The following MBNL1 variants were observed in gnomAD, a reference collection of about 807,000 sequenced individuals.
The protein encoded by MBNL1 is muscleblind like splicing regulator 1.
Under a neutral mutation model 42.2 loss-of-function variants are expected in MBNL1, and 8 were observed. That is an observed-to-expected ratio of 0.19 (90% CI 0.11 to 0.34). The LOEUF is 0.34. Among genes scored for constraint, MBNL1 ranks in the 10% least tolerant of loss-of-function variants. MBNL1 has a pLI of 1.00. For synonymous variants in MBNL1, 169 were observed against 173.9 expected, an observed-to-expected ratio of 0.97 and a Z score of 0.22; for missense variants, 309 against 495.3, an observed-to-expected ratio of 0.62 and a Z score of 3.57.
At chr3:152,262,527 T>C (rs190866548) in intron 2 of MBNL1, 1 of 152,182 alleles carries the variant, frequency 6.6e-6, no homozygotes, top group Non-Finnish European at 1.5e-5. Flanking sequence ...AGTAAGTAGA[T>C]AGATACAGCC....
Position 152,465,371 on chromosome 3 carries a change from A to G in MBNL1, c.*3005A>G, listed in dbSNP as rs535488503. On this transcript the variant is annotated 3_prime_UTR_variant, in exon 10 of 10. Transcript: ENST00000324210. ...ACAGCACACTGTAGCTATAGTTGTT[A>G]TGTGATTGTTTTTTAATTGCTGTAG... 44 of 152,734 alleles carry G rather than the reference A, an allele frequency of 2.9e-4. No homozygotes were observed. The highest frequency in any genetic ancestry group is 8.4e-4 in the African/African-American group (35 of 41,586). 9.5% of individuals were successfully genotyped at this position (152,734 alleles called of 1,614,324 possible). A position where few individuals can be genotyped will look rare whatever the true frequency, so the allele number is the denominator to read the frequency against.
intron 2 of MBNL1, among the ~76,000 whole-genome samples, chr3:152,409,859 A>G (rs900028740): frequency 6.6e-6 from 1 of 152,210 alleles, no homozygotes; most frequent in South Asian, 2.1e-4. Context: ...AGTAGAAGAA[A>G]TATAATTAAA....
chr3:152,302,782 G>C (rs975026403), intron 2 of MBNL1, among the ~76,000 whole-genome samples: 9 of 152,098 alleles, frequency 5.9e-5, no homozygotes, highest in Non-Finnish European at 1.3e-4. Context: ...TTAATAAAAT[G>C]TGTCCTGTGT....
chr3:152,252,909 C>T (rs564287768), intron 2 of MBNL1, among the ~76,000 whole-genome samples: 61 of 152,170 alleles, frequency 4.0e-4, no homozygotes, highest in African/African-American at 1.3e-3. Context: ...GTATTCATAA[C>T]TGAAAATAAA....
intron 4 of MBNL1, among the ~76,000 whole-genome samples, chr3:152,434,324 A>G (rs1170917424): frequency 1.3e-5 from 2 of 152,160 alleles, no homozygotes; most frequent in South Asian, 2.1e-4. Flanking sequence ...CTGCTTCTGT[A>G]TTAGTTTGCT....
intron 2 of MBNL1, among the ~76,000 whole-genome samples, chr3:152,248,624 A>G (rs192508406): frequency 3.3e-5 from 5 of 151,074 alleles, no homozygotes; most frequent in African/African-American, 1.2e-4. Context: ...TTTTTAAAAA[A>G]TTATTATTAT....
chr3:152,269,365 C>T, intron 1 of MBNL1: 1 of 355,268 alleles, frequency 2.8e-6, no homozygotes, highest in Non-Finnish European at 5.6e-6. Flanking sequence ...CTTGGCAGCC[C>T]AGCGGGACCC....
chr3:152,331,199 T>TACACACATACACACAC (rs2084261609), intron 2 of MBNL1, among the ~76,000 whole-genome samples: 1 of 151,298 alleles, frequency 6.6e-6, no homozygotes, highest in Admixed American at 6.6e-5. Flanking sequence ...CACACACACA[T>TACACACATACACACAC]ACACACATAC....
In MBNL1 at chr3:152,299,811, A is replaced by T. The variant is rs1361869882; in HGVS notation, c.-383A>T. ...GACAACTTTGCTGAAAGCAGCTTGG[A>T]AATTCGGTGTCGAAGGGTCTGCCAC... On this transcript the variant is annotated 5_prime_UTR_variant, in exon 2 of 10. Coordinates refer to ENST00000324210, the MANE Select transcript of MBNL1 (RefSeq NM_021038.5). 1 of 402,138 alleles carries T rather than the reference A, an allele frequency of 2.5e-6. No homozygotes were observed. The highest frequency in any genetic ancestry group is 2.1e-5 in the African/African-American group (1 of 48,620). The allele number at this position is 402,138 out of a possible 1,614,324, so 24.9% of individuals were successfully genotyped here. A position where few individuals can be genotyped will look rare whatever the true frequency, so the allele number is the denominator to read the frequency against.
rs557280931 is a variant in MBNL1, at chr3:152,296,054, A to G, written c.-789-3351A>G. Among the ~76,000 whole-genome samples, 24 of 152,346 alleles carry G rather than the reference A, an allele frequency of 1.6e-4. No homozygotes were observed. The South Asian group carries it at 2.7e-3, about 17-fold the overall frequency. On this transcript the variant is annotated intron_variant, in intron 1 of 9. Transcript: ENST00000324210. ...ATGAACTTTGCTGAGCAGTAAAGTAATGGGTGTGAAAGTCAGACTGATAAG... is the reference window on the plus strand; with the variant it reads ...ATGAACTTTGCTGAGCAGTAAAGTAGTGGGTGTGAAAGTCAGACTGATAAG...
At chr3:152,254,945 G>A (rs947124805) in intron 2 of MBNL1, among the ~76,000 whole-genome samples, 3 of 152,080 alleles carry the variant, frequency 2.0e-5, no homozygotes, top group African/African-American at 7.2e-5. Flanking sequence ...TGATCCTGGT[G>A]TGTCTATCTC....
intron 2 of MBNL1, chr3:152,396,208 A>G: frequency 1.7e-5 from 6 of 357,976 alleles, no homozygotes; most frequent in Non-Finnish European, 2.3e-5. Flanking sequence ...CAGGGCTCCC[A>G]CTGATTCTAC....
chr3:152,269,166 G>A (rs532718379), intron 1 of MBNL1, 74 bp downstream of exon 1: 26 of 416,696 alleles, frequency 6.2e-5, no homozygotes, highest in African/African-American at 5.3e-4. Flanking sequence ...CGTGGCTGAA[G>A]GAGGAAGTGC....
At chr3:152,433,710 A>C (rs2099038935) in intron 4 of MBNL1, among the ~76,000 whole-genome samples, 1 of 148,648 alleles carries the variant, frequency 6.7e-6, no homozygotes, top group Non-Finnish European at 1.5e-5. Context: ...AGATCGCGCC[A>C]CTGCACTCCA....
intron 2 of MBNL1, among the ~76,000 whole-genome samples, chr3:152,381,257 A>T (rs1174728427): frequency 2.0e-5 from 3 of 152,162 alleles, no homozygotes; most frequent in African/African-American, 7.2e-5. Flanking sequence ...GGCTATATGT[A>T]AAGGTAGCAG....
intron 9 of MBNL1, among the ~76,000 whole-genome samples, chr3:152,460,375 G>A (rs1395233797): frequency 6.7e-6 from 1 of 149,566 alleles, no homozygotes; most frequent in Admixed American, 6.7e-5. Flanking sequence ...TTACCTCAGA[G>A]GATCATATAA....
At position 152,259,041 on chromosome 3, in the gene MBNL1, C is replaced by T. The variant is rs77763101; in HGVS notation, n.333+14601C>T. Reference sequence around the variant, plus strand: ...AAGGTCTCCGAAGGGGAAAAACTGTCCTGGCTAAGTCTATAATTTAGGCTA... The same window carrying T: ...AAGGTCTCCGAAGGGGAAAAACTGTTCTGGCTAAGTCTATAATTTAGGCTA... On this transcript the variant is annotated intron_variant and non_coding_transcript_variant, in intron 2 of 2. Transcript: ENST00000477171. Among the ~76,000 whole-genome samples, 963 of 152,334 alleles carry T rather than the reference C, an allele frequency of 6.3e-3. 16 individuals are homozygous for T. The highest frequency in any genetic ancestry group is 0.022 in the African/African-American group (905 of 41,562).
At chr3:152,374,525 T>C (rs2096817243) in intron 2 of MBNL1, among the ~76,000 whole-genome samples, 1 of 152,194 alleles carries the variant, frequency 6.6e-6, no homozygotes, top group Non-Finnish European at 1.5e-5. Context: ...TTGACAGATA[T>C]GCCTGGTATT....
intron 2 of MBNL1, among the ~76,000 whole-genome samples, chr3:152,372,844 C>T (rs2096730219): frequency 6.6e-6 from 1 of 152,214 alleles, no homozygotes; most frequent in Non-Finnish European, 1.5e-5. Flanking sequence ...AGATTCGCTG[C>T]TCTCTTCAGA....
Sources: gnomAD v4.1 joint callset for allele counts (sites outside exome capture counted in the v4.1 genomes callset) on GRCh38, gnomAD v4.1.1 for gene constraint, MANE v1.5 for transcripts, NCBI Gene and HGNC (gene_info 2026-07-23, HGNC 2026-07-21) for gene names.